FARS2: variants seen among roughly 807,000 people sequenced by gnomAD.
FARS2 encodes phenylalanine--tRNA ligase, mitochondrial.
FARS2 carries 40 observed loss-of-function variants against 46.4 expected under a neutral mutation model. The observed-to-expected ratio is 0.86, with a 90% CI of 0.67 to 1.12. FARS2 has a LOEUF of 1.12. Among genes scored for constraint, FARS2 ranks in the 50% most tolerant of loss-of-function variants. FARS2 has a pLI of 0.00. For missense variants in FARS2, 513 were observed against 567.9 expected, an observed-to-expected ratio of 0.90 and a Z score of 0.98; for synonymous variants, 234 against 214.9, an observed-to-expected ratio of 1.09 and a Z score of -0.78.
intron 2 of FARS2, 42 bp downstream of exon 2, chr6:5,369,224 A>T (rs1192579455): frequency 3.2e-6 from 5 of 1,577,894 alleles, no homozygotes; most frequent in Non-Finnish European, 4.3e-6. Context: ...GATGTCATAG[A>T]CATTTTATGT....
At chr6:5,302,925 A>G (rs1768423423) in intron 1 of FARS2, among the ~76,000 whole-genome samples, 2 of 152,206 alleles carry the variant, frequency 1.3e-5, no homozygotes, top group Admixed American at 6.5e-5. Context: ...GAAGACACAC[A>G]GGGTGCCAGC....
rs1183829705 is a variant in FARS2, at chr6:5,525,488, C to T, written c.905-19692C>T. ...AGGCTCAGGCCCTGGAGAATTCCAG[C>T]GTGGCATTGACCACATGCCTCTAAT... On this transcript the variant is annotated intron_variant, in intron 4 of 6. Coordinates refer to ENST00000274680, the MANE Select transcript of FARS2 (RefSeq NM_006567.5). 2.0e-5 allele frequency among the ~76,000 whole-genome samples: 3 copies of T among 152,286 alleles called. No individual in the cohort carries two copies. The East Asian group carries it at 5.8e-4, about 29-fold the overall frequency.
intron 2 of FARS2, among the ~76,000 whole-genome samples, chr6:5,381,228 A>T (rs1759752465): frequency 6.6e-6 from 1 of 151,578 alleles, no homozygotes; most frequent in Admixed American, 6.6e-5. Flanking sequence ...CAATCTCCTG[A>T]CCTCGTTATC....
chr6:5,669,833 AAGG>A (rs1273600245), intron 6 of FARS2, among the ~76,000 whole-genome samples: 1 of 152,092 alleles, frequency 6.6e-6, no homozygotes, highest in African/African-American at 2.4e-5. Context: ...GGAGCTGGTG[AAGG>A]AGAAGAGGCT....
intron 3 of FARS2, among the ~76,000 whole-genome samples, chr6:5,414,747 A>G (rs936815678): frequency 6.8e-5 from 10 of 147,696 alleles, no homozygotes; most frequent in Non-Finnish European, 1.2e-4. Context: ...TTATATGGAC[A>G]TCGCTTTTTT....
rs35213574 is a variant in FARS2, at chr6:5,444,092, C to CGTGTGTGTGTGT, written c.904+12943_904+12954dup. On this transcript the variant is annotated intron_variant, in intron 4 of 6. Transcript: ENST00000274680. ...AAGCCACTGATATATGGAAGATCCT[C>CGTGTGTGTGTGT]GTGTGTGTGTGTGTGTGTGTGTGTG... is the stretch of plus-strand genomic sequence containing the variant. 7.1e-3 allele frequency among the ~76,000 whole-genome samples: 1,037 copies of CGTGTGTGTGTGT among 146,298 alleles called. 11 individuals are homozygous for CGTGTGTGTGTGT. The highest frequency in any genetic ancestry group is 0.018 in the African/African-American group (713 of 39,274).
chr6:5,561,903 T>C (rs992361108), intron 5 of FARS2, among the ~76,000 whole-genome samples: 4 of 152,086 alleles, frequency 2.6e-5, no homozygotes, highest in African/African-American at 9.7e-5. Flanking sequence ...ATTTCCTCTC[T>C]AATTTTTTAA....
intron 6 of FARS2, among the ~76,000 whole-genome samples, chr6:5,744,223 G>A (rs2150955985): frequency 6.6e-6 from 1 of 152,286 alleles, no homozygotes; most frequent in East Asian, 1.9e-4. Context: ...CCACAAAGAG[G>A]ACAGCAGAGG....
At chr6:5,640,685 G>A (rs543150629) in intron 6 of FARS2, among the ~76,000 whole-genome samples, 1 of 152,208 alleles carries the variant, frequency 6.6e-6, no homozygotes, top group African/African-American at 2.4e-5. Context: ...CTTGTCACAA[G>A]TAGCCACAAA....
chr6:5,668,593 T>G (rs866496747), intron 6 of FARS2, among the ~76,000 whole-genome samples: 2 of 152,194 alleles, frequency 1.3e-5, no homozygotes, highest in Middle Eastern at 3.4e-3. Context: ...GAGGCAAAAA[T>G]GGATGGCTTA....
chr6:5,313,930 C>A (rs190416208), intron 1 of FARS2, among the ~76,000 whole-genome samples: 1 of 152,204 alleles, frequency 6.6e-6, no homozygotes, highest in East Asian at 1.9e-4. Flanking sequence ...GACATTGTGA[C>A]CTAATTGGTA....
upstream of FARS2, chr6:5,261,070 A>C (rs963248189): frequency 7.6e-6 from 4 of 525,500 alleles, no homozygotes; most frequent in African/African-American, 4.1e-5. Flanking sequence ...GGGAAATAAG[A>C]GGACTGGCCG....
At chr6:5,674,164 A>G (rs568486113) in intron 6 of FARS2, among the ~76,000 whole-genome samples, 46 of 145,900 alleles carry the variant, frequency 3.2e-4, no homozygotes, top group South Asian at 1.8e-3. Context: ...CAGTTTAAAA[A>G]GGATTCTTTT....
chr6:5,475,527 C>A (rs142722955), intron 4 of FARS2, among the ~76,000 whole-genome samples: 1 of 152,182 alleles, frequency 6.6e-6, no homozygotes, highest in African/African-American at 2.4e-5. Flanking sequence ...TCTCCCCTGA[C>A]CACAGTCCTC....
At chr6:5,428,024 C>T (rs1016620582) in intron 3 of FARS2, among the ~76,000 whole-genome samples, 1 of 152,190 alleles carries the variant, frequency 6.6e-6, no homozygotes, top group Non-Finnish European at 1.5e-5. Flanking sequence ...TGTGCTGACG[C>T]CATCAGCACC....
intron 6 of FARS2, among the ~76,000 whole-genome samples, chr6:5,739,308 C>T (rs1368387885): frequency 4.2e-5 from 6 of 143,546 alleles, no homozygotes; most frequent in East Asian, 2.0e-4. Context: ...CTAGCTTGGG[C>T]AACATAGTGA....
intron 1 of FARS2, among the ~76,000 whole-genome samples, chr6:5,283,800 T>G (rs1248598651): frequency 1.3e-5 from 2 of 152,224 alleles, no homozygotes; most frequent in Non-Finnish European, 2.9e-5. Flanking sequence ...TAGAGGTGCC[T>G]TATTCTTAAT....
intron 5 of FARS2, among the ~76,000 whole-genome samples, chr6:5,557,738 A>T (rs778371718): frequency 6.6e-6 from 1 of 152,040 alleles, no homozygotes; most frequent in Admixed American, 6.6e-5. Context: ...TAATGCTTGA[A>T]ATCTCCCCTT....
chr6:5,329,515 A>C (rs1770644579), intron 1 of FARS2, among the ~76,000 whole-genome samples: 1 of 152,150 alleles, frequency 6.6e-6, no homozygotes, highest in Non-Finnish European at 1.5e-5. Context: ...GCACCAACTG[A>C]GTGTTCTACA....
Sources: gnomAD v4.1 joint callset for allele counts (sites outside exome capture counted in the v4.1 genomes callset) on GRCh38, gnomAD v4.1.1 for gene constraint, MANE v1.5 for transcripts, NCBI Gene and HGNC (gene_info 2026-07-23, HGNC 2026-07-21) for gene names.